The following TMEM232 variants were observed in gnomAD, a reference collection of about 807,000 sequenced individuals.
TMEM232 encodes the protein transmembrane protein 232.
In TMEM232, 80 loss-of-function variants were observed where a neutral mutation model predicts 78.8. That is an observed-to-expected ratio of 1.01 (90% CI 0.85 to 1.22). The LOEUF (loss-of-function observed/expected upper bound fraction) is 1.22, where lower values mean the gene tolerates loss of function less well. Ranked by LOEUF, TMEM232 falls within the 50% of genes most tolerant of loss-of-function variation. TMEM232 has a pLI of 0.00. For synonymous variants in TMEM232, 297 were observed against 254.3 expected (o/e 1.17, Z -1.60); for missense variants, 881 against 742.2 (o/e 1.19, Z -2.17).
intron 12 of TMEM232, among the ~76,000 whole-genome samples, chr5:110,520,247 A>C (rs1769309441): frequency 6.6e-6 from 1 of 152,094 alleles, no homozygotes; most frequent in Admixed American, 6.6e-5. Context: ...TACATATTGT[A>C]TGCTTGTTTT....
At chr5:110,405,520 A>C (rs1755756343) in intron 2 of TMEM232, among the ~76,000 whole-genome samples, 1 of 151,954 alleles carries the variant, frequency 6.6e-6, no homozygotes, top group Non-Finnish European at 1.5e-5. Flanking sequence ...ATATTAAGTA[A>C]TTTATAGGAA....
chr5:110,698,833 A>G (rs1371754397), intron 1 of TMEM232, among the ~76,000 whole-genome samples: 1 of 152,140 alleles, frequency 6.6e-6, no homozygotes, highest in Admixed American at 6.6e-5. Flanking sequence ...TTCTTTGATC[A>G]GCTGAATGTT....
intron 12 of TMEM232, among the ~76,000 whole-genome samples, chr5:110,427,218 T>C (rs1273840050): frequency 6.6e-6 from 1 of 152,010 alleles, no homozygotes; most frequent in Non-Finnish European, 1.5e-5. Context: ...CTACTTAGTG[T>C]TATTTAATCC....
At chr5:110,579,349 G>A (rs1277236717) in intron 10 of TMEM232, among the ~76,000 whole-genome samples, 1 of 150,668 alleles carries the variant, frequency 6.6e-6, no homozygotes, top group Non-Finnish European at 1.5e-5. Flanking sequence ...AATCCTAAAG[G>A]GAGTTCTTCA....
intron 7 of TMEM232, among the ~76,000 whole-genome samples, chr5:110,623,946 T>C (rs1784095760): frequency 6.6e-6 from 1 of 152,208 alleles, no homozygotes; most frequent in African/African-American, 2.4e-5. Flanking sequence ...CTTTCATGTA[T>C]TGACATTTTT....
chr5:110,598,716 A>G (rs542556686), intron 10 of TMEM232, among the ~76,000 whole-genome samples: 28 of 152,094 alleles, frequency 1.8e-4, no homozygotes, highest in African/African-American at 6.0e-4. Flanking sequence ...CTGTAGGGAC[A>G]TGGATGAAAT....
At chr5:110,577,927 G>A (rs1777755384) in intron 10 of TMEM232, among the ~76,000 whole-genome samples, 1 of 151,884 alleles carries the variant, frequency 6.6e-6, no homozygotes, top group Non-Finnish European at 1.5e-5. Context: ...TGGGTACTAG[G>A]CTTAGTGATA....
chr5:110,679,515 G>A (rs367716767), intron 1 of TMEM232, among the ~76,000 whole-genome samples: 4 of 152,250 alleles, frequency 2.6e-5, no homozygotes, highest in African/African-American at 9.6e-5. Context: ...CAGGACAGAA[G>A]TTGAAATTTA....
intron 10 of TMEM232, among the ~76,000 whole-genome samples, chr5:110,590,203 C>T (rs1779333479): frequency 6.6e-6 from 1 of 152,126 alleles, no homozygotes. Flanking sequence ...AGCCATTTGA[C>T]TCTGTGAAAA....
chr5:110,622,881 T>C (rs1171848735), intron 7 of TMEM232, among the ~76,000 whole-genome samples: 2 of 151,458 alleles, frequency 1.3e-5, no homozygotes, highest in African/African-American at 4.9e-5. Flanking sequence ...TTGGGAGATA[T>C]ACCTAATGCT....
chr5:110,696,570 A>G (rs1794810743), intron 1 of TMEM232, among the ~76,000 whole-genome samples: 1 of 152,204 alleles, frequency 6.6e-6, no homozygotes, highest in Non-Finnish European at 1.5e-5. Flanking sequence ...TCTCAGCCCA[A>G]AATCTCCTTA....
At chr5:110,461,176 T>C (rs896472966) in intron 12 of TMEM232, among the ~76,000 whole-genome samples, 13 of 151,336 alleles carry the variant, frequency 8.6e-5, no homozygotes, top group African/African-American at 2.2e-4. Flanking sequence ...TAGTACCAAA[T>C]AGTCAAGCTG....
At chr5:110,738,953 C>T, upstream of TMEM232, 1 of 1,440,474 alleles carries the variant, frequency 6.9e-7, no homozygotes, top group Non-Finnish European at 9.1e-7. Context: ...CCGGAAGAGG[C>T]TATAATCACG....
chr5:110,616,135 A>G (rs1269486340), intron 8 of TMEM232, among the ~76,000 whole-genome samples: 2 of 152,032 alleles, frequency 1.3e-5, no homozygotes, highest in Admixed American at 1.3e-4. Flanking sequence ...GCAAAAAGAA[A>G]AAAAGCTGGA....
intron 2 of TMEM232, among the ~76,000 whole-genome samples, chr5:110,653,165 C>T (rs934765269): frequency 6.6e-6 from 1 of 152,184 alleles, no homozygotes; most frequent in African/African-American, 2.4e-5. Flanking sequence ...GGAAGTGAGA[C>T]ACTTCACAGT....
At chr5:110,569,478 A>G (rs888035916) in intron 10 of TMEM232, among the ~76,000 whole-genome samples, 3 of 151,890 alleles carry the variant, frequency 2.0e-5, no homozygotes, top group Non-Finnish European at 4.4e-5. Flanking sequence ...AACCAACATG[A>G]AAATACTGAG....
intron 1 of TMEM232, among the ~76,000 whole-genome samples, chr5:110,671,379 C>G (rs1791332157): frequency 6.6e-6 from 1 of 152,070 alleles, no homozygotes; most frequent in Non-Finnish European, 1.5e-5. Context: ...ACCATTTGAC[C>G]CAGCAATCCC....
intron 11 of TMEM232, among the ~76,000 whole-genome samples, chr5:110,532,213 T>C (rs1771608135): frequency 6.6e-6 from 1 of 152,016 alleles, no homozygotes; most frequent in South Asian, 2.1e-4. Context: ...GAAATCGGAC[T>C]GTTCAACTCA....
chr5:110,424,823 G>A lies in TMEM232; in HGVS notation c.1797C>T (p.His599=), dbSNP rs200371796. ...DKELAKIIDH[H]WQEELKIREK... ...CTAGTTAAAAAAAAATCAATCTTACGTGATGGTCAATGATTTTTGCCAACT... is the reference window on the plus strand; with the variant it reads ...CTAGTTAAAAAAAAATCAATCTTACATGATGGTCAATGATTTTTGCCAACT... The change falls in exon 13 of 14, where the codon CAC becomes CAT. Residue 599 remains histidine, a splice_region_variant and synonymous_variant. Transcript: ENST00000455884. 1,115 of 1,546,038 alleles carry A rather than the reference G, an allele frequency of 7.2e-4. No individual in the cohort carries two copies. Among genetic ancestry groups the A allele is most frequent in the Non-Finnish European group, 9.1e-4 (1,040 of 1,143,660 alleles).
Sources: gnomAD v4.1 joint callset for allele counts (sites outside exome capture counted in the v4.1 genomes callset) on GRCh38, gnomAD v4.1.1 for gene constraint, MANE v1.5 for transcripts, NCBI Gene and HGNC (gene_info 2026-07-23, HGNC 2026-07-21) for gene names.